The following SORT1 variants were observed in gnomAD, a reference collection of about 807,000 sequenced individuals.
SORT1 encodes the protein sortilin 1.
In SORT1, 39 loss-of-function variants were observed where a neutral mutation model predicts 101.7. The observed-to-expected ratio is 0.38, with a 90% CI of 0.30 to 0.50. The LOEUF (loss-of-function observed/expected upper bound fraction) is 0.50, where lower values mean the gene tolerates loss of function less well. Ranked by LOEUF, SORT1 falls within the 20% of genes least tolerant of loss-of-function variation. SORT1 has a pLI of 0.90. For missense variants in SORT1, 878 were observed against 1,040.4 expected, an observed-to-expected ratio of 0.84 and a Z score of 2.15; for synonymous variants, 396 against 393.7, an observed-to-expected ratio of 1.01 and a Z score of -0.07.
intron 11 of SORT1, among the ~76,000 whole-genome samples, chr1:109,334,601 T>C (rs1256169048): frequency 6.6e-6 from 1 of 152,086 alleles, no homozygotes; most frequent in East Asian, 1.9e-4. Context: ...TGAGGGAAAA[T>C]ATACATGGTG....
At chr1:109,354,836 C>T (rs1248495073) in intron 4 of SORT1, among the ~76,000 whole-genome samples, 1 of 152,144 alleles carries the variant, frequency 6.6e-6, no homozygotes, top group East Asian at 1.9e-4. Context: ...TAAGCAACTG[C>T]TGCATAATTA....
chr1:109,368,208 T>C (rs1651222019), intron 2 of SORT1, among the ~76,000 whole-genome samples: 1 of 150,620 alleles, frequency 6.6e-6, no homozygotes, highest in Admixed American at 6.6e-5. Flanking sequence ...GCATGAGAAT[T>C]GCTTGAACCT....
intron 1 of SORT1, among the ~76,000 whole-genome samples, chr1:109,385,737 G>A (rs1344820320): frequency 6.6e-6 from 1 of 152,150 alleles, no homozygotes; most frequent in Non-Finnish European, 1.5e-5. Context: ...CTCTCTGCCT[G>A]AGATACTCTT....
rs1000078040 is a variant in SORT1, at chr1:109,355,387, C to A, written c.523G>T (p.Gly175Cys). The change falls in exon 4 of 20, where the codon GGT (glycine) becomes TGT (cysteine). Residue 175 changes from glycine to cysteine, a missense_variant. Physicochemically the swap from Gly to Cys is radical, Grantham distance 159. This residue lies in a region of SORT1 where 684 missense variants were observed against 894.5 expected (regional missense o/e 0.76). Transcript: ENST00000256637. ...FIRTEFGMAIGPENSGKVVLT... is the reference protein window; with the variant it reads ...FIRTEFGMAICPENSGKVVLT... ...CTCACCTTTCCAGAGTTCTCAGGACCAATAGCCATGCCAAATTCAGTCCGA... is the reference window on the plus strand; with the variant it reads ...CTCACCTTTCCAGAGTTCTCAGGACAAATAGCCATGCCAAATTCAGTCCGA... 3.1e-6 allele frequency: 5 copies of A among 1,590,076 alleles called. No homozygotes were observed. In the Admixed American group the frequency reaches 5.0e-5, roughly 16 times the overall value.
rs903127360 is a variant in SORT1, at chr1:109,311,065, T to C, written c.*2978A>G. 2 of 152,208 alleles carry C rather than the reference T, an allele frequency of 1.3e-5. No individual in the cohort carries two copies. Among genetic ancestry groups the C allele is most frequent in the South Asian group, 2.1e-4 (1 of 4,834 alleles). 9.4% of individuals were successfully genotyped at this position (152,208 alleles called of 1,614,324 possible). On this transcript the variant is annotated 3_prime_UTR_variant, in exon 20 of 20. Transcript: ENST00000256637. ...ACTCTCCTGAGCCCGCCCCCAGAAC[T>C]GCCGCAACTCTCCAAAGGCTTTTAT... is the stretch of plus-strand genomic sequence containing the variant.
At chr1:109,325,193 C>T in intron 13 of SORT1, 104 bp from the exon 14 acceptor site, 2 of 511,018 alleles carry the variant, frequency 3.9e-6, no homozygotes, top group East Asian at 3.3e-5. Flanking sequence ...AAACCCCTTA[C>T]ATTTAGGTGG....
chr1:109,322,641 G>A (rs1296206287), intron 15 of SORT1, among the ~76,000 whole-genome samples: 1 of 129,926 alleles, frequency 7.7e-6, no homozygotes, highest in African/African-American at 2.8e-5. Flanking sequence ...TGATTCTTGT[G>A]TCTCAGCCAC....
intron 16 of SORT1, among the ~76,000 whole-genome samples, chr1:109,317,444 A>G (rs1647290989): frequency 6.6e-6 from 1 of 152,220 alleles, no homozygotes; most frequent in African/African-American, 2.4e-5. Flanking sequence ...TTCCATCACC[A>G]AAGAAAGTCC....
chr1:109,389,479 G>A (rs989223722), intron 1 of SORT1, among the ~76,000 whole-genome samples: 2 of 152,190 alleles, frequency 1.3e-5, no homozygotes, highest in African/African-American at 2.4e-5. Flanking sequence ...GGACATCTGT[G>A]TTCTACTCCC....
chr1:109,322,567 C>A (rs1647702496), intron 15 of SORT1, among the ~76,000 whole-genome samples: 2 of 152,148 alleles, frequency 1.3e-5, no homozygotes, highest in African/African-American at 4.8e-5. Context: ...CTTGCTCTGT[C>A]CCCCAGGCTG....
At chr1:109,387,819 C>T (rs905703724) in intron 1 of SORT1, among the ~76,000 whole-genome samples, 5 of 152,012 alleles carry the variant, frequency 3.3e-5, no homozygotes, top group Non-Finnish European at 5.9e-5. Context: ...GGTGTGGTGG[C>T]GGGCACCTGT....
intron 10 of SORT1, among the ~76,000 whole-genome samples, chr1:109,337,457 G>C (rs936108893): frequency 1.3e-5 from 2 of 151,990 alleles, no homozygotes; most frequent in Non-Finnish European, 2.9e-5. Context: ...TGGTCAGGCT[G>C]GTCTCCAACT....
intron 1 of SORT1, among the ~76,000 whole-genome samples, chr1:109,395,996 A>G (rs778850948): frequency 6.6e-6 from 1 of 152,210 alleles, no homozygotes; most frequent in Admixed American, 6.5e-5. Context: ...AGGTGAGAGG[A>G]TCACTTGAGC....
chr1:109,319,952 C>A (rs549897229), intron 15 of SORT1, among the ~76,000 whole-genome samples: 2 of 152,212 alleles, frequency 1.3e-5, no homozygotes, highest in East Asian at 3.9e-4. Context: ...GGAGCCCTCT[C>A]GGGTCTCATT....
intron 3 of SORT1, among the ~76,000 whole-genome samples, chr1:109,365,900 G>C (rs1228407502): frequency 1.3e-5 from 2 of 152,204 alleles, no homozygotes; most frequent in African/African-American, 4.8e-5. Flanking sequence ...GGGGAAGAGA[G>C]GTTAGGCTAA....
chr1:109,334,884 A>G (rs10745353), intron 11 of SORT1, among the ~76,000 whole-genome samples: 110,389 of 152,050 alleles, frequency 0.73, 40,358 homozygotes, highest in East Asian at 0.96. Context: ...GAAAGTTAAC[A>G]CTCTAAAAAG....
rs902204632 is a variant in SORT1, at chr1:109,364,496, G to A, written c.440+2912C>T. On this transcript the variant is annotated intron_variant, in intron 3 of 19. Transcript: ENST00000256637. ...TGATCACAGTAGTATTAGTTACAGCGAAAAAAACAGCTACAACCTAACTAT... is the reference window on the plus strand; with the variant it reads ...TGATCACAGTAGTATTAGTTACAGCAAAAAAAACAGCTACAACCTAACTAT... Among the ~76,000 whole-genome samples the A allele has an allele frequency of 9.2e-5, 14 of 151,896 alleles. 1 individual carries two copies. The highest frequency in any genetic ancestry group is 7.2e-4 in the Admixed American group (11 of 15,250).
At chr1:109,327,801 A>C (rs984810467) in intron 11 of SORT1, among the ~76,000 whole-genome samples, 200 bp from the exon 12 acceptor site, 6 of 152,148 alleles carry the variant, frequency 3.9e-5, no homozygotes, top group African/African-American at 1.4e-4. Context: ...CACATCTCTA[A>C]ACTTTTTCAT....
At chr1:109,324,793 T>G (rs1647877305) in intron 14 of SORT1, 106 bp downstream of exon 14, 1 of 714,356 alleles carries the variant, frequency 1.4e-6, no homozygotes, top group East Asian at 2.7e-5. Flanking sequence ...CTCTTTCATA[T>G]GCATATGCAT....
Sources: allele counts gnomAD v4.1 joint callset (sites outside exome capture counted in the v4.1 genomes callset), GRCh38; gene constraint gnomAD v4.1.1; regional missense constraint gnomAD v4.1.1; transcripts MANE v1.5; gene names NCBI Gene and HGNC (gene_info 2026-07-23, HGNC 2026-07-21).